Variants in SLC14A2 observed in about 807,000 individuals in gnomAD.
SLC14A2 encodes solute carrier family 14 member 2, also known as urea transporter 2.
A neutral mutation model predicts 104.6 loss-of-function variants in SLC14A2; 91 were observed. The ratio of observed to expected loss-of-function variants is 0.87; its 90% confidence interval spans 0.73 to 1.04. SLC14A2 has a LOEUF of 1.04. Ranked by LOEUF, SLC14A2 falls within the 50% of genes least tolerant of loss-of-function variation. The pLI, the probability that SLC14A2 is intolerant of heterozygous loss-of-function variation, is 0.00. For synonymous variants in SLC14A2, 476 were observed against 466.4 expected (o/e 1.02, Z -0.27); for missense variants, 1,189 against 1,156.0 (o/e 1.03, Z -0.41).
intron 1 of SLC14A2, among the ~76,000 whole-genome samples, chr18:45,438,809 A>G (rs946304881): frequency 3.9e-5 from 6 of 152,228 alleles, no homozygotes; most frequent in Non-Finnish European, 5.9e-5. Context: ...TCCTGTCCAT[A>G]TAAGAATTCA....
At chr18:45,337,171 G>C (rs1210812784) in intron 1 of SLC14A2, among the ~76,000 whole-genome samples, 1 of 152,146 alleles carries the variant, frequency 6.6e-6, no homozygotes, top group African/African-American at 2.4e-5. Context: ...CTTGAACTAG[G>C]CTTGGAAGGA....
intron 1 of SLC14A2, among the ~76,000 whole-genome samples, chr18:45,349,067 C>G (rs1321027540): frequency 6.6e-6 from 1 of 152,200 alleles, no homozygotes; most frequent in African/African-American, 2.4e-5. Flanking sequence ...TGACAGCCTG[C>G]GACAGTGTGT....
At chr18:45,515,842 A>G (rs753989555) in intron 2 of SLC14A2, among the ~76,000 whole-genome samples, 1 of 152,256 alleles carries the variant, frequency 6.6e-6, no homozygotes, top group Non-Finnish European at 1.5e-5. Flanking sequence ...GATTCAGACA[A>G]GCTGTTCTTG....
the SLC14A2 span, among the ~76,000 whole-genome samples, chr18:45,191,928 C>A: frequency 2.0e-5 from 3 of 152,274 alleles, no homozygotes; most frequent in South Asian, 4.1e-4. Context: ...GGACAGCTGC[C>A]TTGGTATATT....
chr18:45,183,251 AAACC>A, the SLC14A2 span, among the ~76,000 whole-genome samples: 7 of 152,128 alleles, frequency 4.6e-5, no homozygotes, highest in Non-Finnish European at 4.4e-5. Flanking sequence ...ATCCTTTAGG[AAACC>A]ATGTCAGTTC....
chr18:45,261,421 ATTATAC>A (rs758953399), intron 1 of SLC14A2, among the ~76,000 whole-genome samples: 7 of 148,572 alleles, frequency 4.7e-5, no homozygotes, highest in Non-Finnish European at 1.0e-4. Context: ...TAATTTTATT[ATTATAC>A]TTTAAGTTTT....
At chr18:45,324,404 CT>C (rs1438318305) in intron 1 of SLC14A2, among the ~76,000 whole-genome samples, 1 of 152,136 alleles carries the variant, frequency 6.6e-6, no homozygotes, top group Admixed American at 6.5e-5. Context: ...TCTCTAAGTC[CT>C]TTTTTATTCC....
At chr18:45,490,394 C>T (rs2087700113) in intron 2 of SLC14A2, among the ~76,000 whole-genome samples, 1 of 152,102 alleles carries the variant, frequency 6.6e-6, no homozygotes, top group African/African-American at 2.4e-5. Context: ...GAAATTGGCT[C>T]TTCATATTGG....
intron 2 of SLC14A2, among the ~76,000 whole-genome samples, chr18:45,487,348 C>A (rs1242177481): frequency 6.6e-6 from 1 of 152,196 alleles, no homozygotes; most frequent in Non-Finnish European, 1.5e-5. Flanking sequence ...AGGCTGGATC[C>A]ACCTGAATGA....
intron 1 of SLC14A2, among the ~76,000 whole-genome samples, chr18:45,236,417 ATGTGTG>A: frequency 4.1e-5 from 1 of 24,426 alleles, no homozygotes; most frequent in Non-Finnish European, 6.7e-5. Context: ...ATATACATGT[ATGTGTG>A]TATATATGTG....
Position 45,372,797 on chromosome 18 carries a change from T to C in SLC14A2, c.-124-110436T>C, listed in dbSNP as rs147991280. Among the ~76,000 whole-genome samples the C allele has an allele frequency of 7.9e-5, 12 of 152,324 alleles. No individual in the cohort carries two copies. The East Asian group carries it at 2.3e-3, about 29-fold the overall frequency. On this transcript the variant is annotated intron_variant, in intron 1 of 20. Transcript: ENST00000586448. ...GGATGGAATTTTAAATTTTCTAGTA[T>C]CCACGTTTTTTAAAGTTTAAAAAAG...
intron 2 of SLC14A2, among the ~76,000 whole-genome samples, chr18:45,520,888 G>T (rs1026291850): frequency 1.3e-5 from 2 of 152,194 alleles, no homozygotes. Context: ...TTAGGATCAT[G>T]ATTATTATTA....
chr18:45,288,338 C>T (rs1434593587), intron 1 of SLC14A2, among the ~76,000 whole-genome samples: 2 of 152,304 alleles, frequency 1.3e-5, no homozygotes, highest in Middle Eastern at 3.4e-3. Flanking sequence ...AAGTGAGCTG[C>T]CTCACCCTAG....
rs186324199 is a variant in SLC14A2 at position 45,530,350 on chromosome 18, T to C, written c.-35+47028T>C. The stretch of plus-strand genomic sequence containing the variant: ...GCAAATGCTAAAATGAAATGAAGGC[T>C]CTTCTCCATAACTCATTATTAAATA... On this transcript the variant is annotated intron_variant, in intron 2 of 20. Transcript: ENST00000586448. 1.3e-4 allele frequency among the ~76,000 whole-genome samples: 20 copies of C among 152,320 alleles called. No individual in the cohort carries two copies. The East Asian group carries it at 3.5e-3, about 26-fold the overall frequency.
the SLC14A2 span, chr18:45,181,468 G>T: frequency 6.6e-6 from 1 of 152,140 alleles, no homozygotes; most frequent in Admixed American, 6.5e-5. Flanking sequence ...CACACACTGG[G>T]TCACCGCGTG....
At chr18:45,383,883 C>A (rs1276359302) in intron 1 of SLC14A2, among the ~76,000 whole-genome samples, 2 of 152,138 alleles carry the variant, frequency 1.3e-5, no homozygotes, top group Admixed American at 6.5e-5. Flanking sequence ...CTCTTCCCTG[C>A]ACCCCCAAGA....
At chr18:45,270,912 A>G (rs1334381400) in intron 1 of SLC14A2, among the ~76,000 whole-genome samples, 3 of 152,156 alleles carry the variant, frequency 2.0e-5, no homozygotes, top group African/African-American at 7.2e-5. Context: ...AAAATACTCT[A>G]AAAAAGTGAG....
At chr18:45,433,978 G>A (rs2086558040) in intron 1 of SLC14A2, among the ~76,000 whole-genome samples, 1 of 152,056 alleles carries the variant, frequency 6.6e-6, no homozygotes, top group Admixed American at 6.6e-5. Context: ...ACTTACTCAG[G>A]GCTCCTGTGT....
In SLC14A2 at chr18:45,627,018, T is replaced by C; in HGVS notation, c.392T>C (p.Phe131Ser). 3 of 1,613,128 alleles carry C rather than the reference T, an allele frequency of 1.9e-6. No homozygotes were observed. Among genetic ancestry groups the C allele is most frequent in the Non-Finnish European group, 2.5e-6 (3 of 1,179,988 alleles). ...WVLRGTAQVM[F>S]INNPLSGLII... ...CTGAGAGGGACCGCTCAGGTGATGT[T>C]CATCAACAATCCTCTCAGCGGCCTC... is the stretch of plus-strand genomic sequence containing the variant. Residue 131 changes from phenylalanine to serine, a missense_variant, in exon 4 of 20, where the codon TTC becomes TCC. Phe to Ser is a radical substitution (Grantham distance 155, BLOSUM62 -2). Coordinates refer to ENST00000255226, the MANE Select transcript of SLC14A2 (RefSeq NM_007163.4).
Sources: gnomAD v4.1 joint callset for allele counts (sites outside exome capture counted in the v4.1 genomes callset) on GRCh38, gnomAD v4.1.1 for gene constraint, MANE v1.5 for transcripts, NCBI Gene and HGNC (gene_info 2026-07-23, HGNC 2026-07-21) for gene names.